SLC1A7: variants seen among roughly 807,000 people sequenced by gnomAD.
SLC1A7 encodes solute carrier family 1 member 7.
Under a neutral mutation model 47.7 loss-of-function variants are expected in SLC1A7, and 40 were observed. The observed-to-expected ratio is 0.84, with a 90% CI of 0.65 to 1.09. SLC1A7 has a LOEUF of 1.09. Among genes scored for constraint, SLC1A7 ranks in the 50% least tolerant of loss-of-function variants. The pLI is 0.00. For synonymous variants in SLC1A7, 323 were observed against 325.6 expected (o/e 0.99, Z 0.09); for missense variants, 746 against 769.5 (o/e 0.97, Z 0.36).
chr1:53,119,607 C>T (rs1387819138), intron 2 of SLC1A7, among the ~76,000 whole-genome samples: 1 of 152,156 alleles, frequency 6.6e-6, no homozygotes, highest in Non-Finnish European at 1.5e-5. Context: ...CTGTCTTCAC[C>T]TCCCAAAGTG....
chr1:53,098,249 C>T lies in SLC1A7; in HGVS notation c.698-4689G>A, dbSNP rs138935831. Among the ~76,000 whole-genome samples the T allele has an allele frequency of 1.3e-4, 19 of 151,742 alleles. No individual in the cohort carries two copies. The East Asian group carries it at 3.3e-3, about 26-fold the overall frequency. ...CACATGCCCCGCCTCAGTATACTCACCCTGCCTCGGTACACTCACACTGCC... is the reference window on the plus strand; with the variant it reads ...CACATGCCCCGCCTCAGTATACTCATCCTGCCTCGGTACACTCACACTGCC... On this transcript the variant is annotated intron_variant, in intron 5 of 10. Transcript: ENST00000371494.
At chr1:53,097,029 G>T (rs1644501946) in intron 5 of SLC1A7, among the ~76,000 whole-genome samples, 1 of 132,766 alleles carries the variant, frequency 7.5e-6, no homozygotes, top group South Asian at 2.5e-4. Context: ...CACACACACT[G>T]TCTTGGTGCA....
In SLC1A7 at chr1:53,093,455, G is replaced by T. The variant is rs769194785; in HGVS notation, c.797+6C>A. 6.2e-7 allele frequency: 1 copy of T among 1,603,230 alleles called. No individual in the cohort carries two copies. Among genetic ancestry groups the T allele is most frequent in the East Asian group, 2.2e-5 (1 of 44,634 alleles). On this transcript the variant is annotated splice_donor_region_variant and intron_variant, in intron 6 of 10. Transcript: ENST00000371494. ...CGGGGTGAGGTGGGTAAATGAGGAG[G>T]CTTACCACACAGCCACCGCCACGAT...
At chr1:53,139,704 G>A (rs758341929) in intron 1 of SLC1A7, among the ~76,000 whole-genome samples, 2 of 152,132 alleles carry the variant, frequency 1.3e-5, no homozygotes, top group Non-Finnish European at 1.5e-5. Context: ...TTCTGTGAAT[G>A]AGGTCATCAG....
intron 4 of SLC1A7, 125 bp downstream of exon 4, chr1:53,105,607 C>T: frequency 3.7e-6 from 3 of 809,256 alleles, no homozygotes; most frequent in Non-Finnish European, 4.4e-6. Context: ...TCTAGCATCC[C>T]ACCTCCAGCA....
intron 3 of SLC1A7, among the ~76,000 whole-genome samples, chr1:53,109,292 T>A (rs28507205): frequency 5.3e-5 from 8 of 152,152 alleles, no homozygotes; most frequent in Non-Finnish European, 1.2e-4. Context: ...AGAGGGTAGT[T>A]GGGAGCTATA....
intron 8 of SLC1A7, 185 bp from the exon 9 acceptor site, chr1:53,090,119 T>C (rs1409324327): frequency 1.6e-6 from 1 of 643,972 alleles, no homozygotes; most frequent in African/African-American, 1.8e-5. Context: ...TGAAGCCCCA[T>C]GGACCCCCAT....
chr1:53,131,633 A>G (rs541423330), intron 2 of SLC1A7, among the ~76,000 whole-genome samples: 3 of 152,282 alleles, frequency 2.0e-5, no homozygotes, highest in Non-Finnish European at 4.4e-5. Flanking sequence ...CACCCAGCAC[A>G]GGGCCAAGTG....
chr1:53,114,401 C>G (rs1408890140), intron 3 of SLC1A7, among the ~76,000 whole-genome samples: 2 of 152,286 alleles, frequency 1.3e-5, no homozygotes, highest in East Asian at 3.9e-4. Context: ...GTCACGGCAC[C>G]TTTTTGAGCC....
intron 1 of SLC1A7, among the ~76,000 whole-genome samples, 167 bp downstream of exon 1, chr1:53,142,148 G>A (rs1194331412): frequency 1.3e-5 from 2 of 152,170 alleles, no homozygotes; most frequent in African/African-American, 2.4e-5. Flanking sequence ...CCTGCAAAGT[G>A]TTTATCACAC....
intron 5 of SLC1A7, 117 bp from the exon 6 acceptor site, chr1:53,093,677 C>T (rs1644452007): frequency 1.4e-6 from 1 of 692,170 alleles, no homozygotes; most frequent in Non-Finnish European, 2.5e-6. Flanking sequence ...CCCCACTCCC[C>T]CCACTCTCTC....
intron 5 of SLC1A7, among the ~76,000 whole-genome samples, chr1:53,093,761 C>T (rs1244544091): frequency 2.0e-5 from 3 of 152,104 alleles, no homozygotes; most frequent in South Asian, 2.1e-4. Context: ...CCTTCCTCCA[C>T]GCAGCAGCCA....
intron 3 of SLC1A7, among the ~76,000 whole-genome samples, chr1:53,110,280 C>G (rs888225576): frequency 6.6e-6 from 1 of 152,212 alleles, no homozygotes; most frequent in African/African-American, 2.4e-5. Context: ...TTATTATTAT[C>G]AGAGTGGAGA....
intron 5 of SLC1A7, chr1:53,103,100 G>T: frequency 2.3e-6 from 1 of 432,448 alleles, no homozygotes; most frequent in South Asian, 4.5e-5. Flanking sequence ...GTGTGGCAGG[G>T]ATGCCAGCTG....
intron 2 of SLC1A7, chr1:53,118,334 G>T (rs1644784451): frequency 6.6e-6 from 1 of 152,238 alleles, no homozygotes; most frequent in South Asian, 2.1e-4. Context: ...TATTATCTTT[G>T]GGTGTTATAA....
At chr1:53,089,561 T>A (rs575858774) in intron 9 of SLC1A7, among the ~76,000 whole-genome samples, 2 of 152,188 alleles carry the variant, frequency 1.3e-5, no homozygotes, top group Non-Finnish European at 2.9e-5. Context: ...TAGGCGTGAG[T>A]CATCATGCCT....
intron 4 of SLC1A7, among the ~76,000 whole-genome samples, chr1:53,105,442 G>A (rs1371923612): frequency 6.6e-6 from 1 of 152,182 alleles, no homozygotes; most frequent in Admixed American, 6.5e-5. Context: ...GAGTTACTGT[G>A]TGGATGGGCG....
chr1:53,130,084 C>T (rs993917234), intron 2 of SLC1A7, among the ~76,000 whole-genome samples: 1 of 152,160 alleles, frequency 6.6e-6, no homozygotes, highest in African/African-American at 2.4e-5. Flanking sequence ...CAGCTGCGAC[C>T]GTGAGGTCAC....
intron 10 of SLC1A7, 137 bp from the exon 11 acceptor site, chr1:53,088,364 ACCTCGG>A (rs1431750859): frequency 9.6e-5 from 67 of 699,510 alleles, no homozygotes; most frequent in Non-Finnish European, 1.3e-4. Flanking sequence ...ACGCTGTGTG[ACCTCGG>A]CAGGTCACGG....
Sources: gnomAD v4.1 joint callset for allele counts (sites outside exome capture counted in the v4.1 genomes callset) on GRCh38, gnomAD v4.1.1 for gene constraint, MANE v1.5 for transcripts, NCBI Gene and HGNC (gene_info 2026-07-23, HGNC 2026-07-21) for gene names.